The following MAP3K7CL variants were observed in gnomAD, a reference collection of about 807,000 sequenced individuals.
MAP3K7CL encodes the protein MAP3K7 C-terminal-like protein.
Under a neutral mutation model 18.6 loss-of-function variants are expected in MAP3K7CL, and 16 were observed. That is an observed-to-expected ratio of 0.86 (90% CI 0.58 to 1.31). MAP3K7CL has a LOEUF of 1.31. Ranked by LOEUF, MAP3K7CL falls within the 50% of genes most tolerant of loss-of-function variation. The pLI is 0.00. For missense variants in MAP3K7CL, 163 were observed against 174.4 expected (o/e 0.93, Z 0.37); for synonymous variants, 65 against 66.8 (o/e 0.97, Z 0.13).
intron 4 of MAP3K7CL, among the ~76,000 whole-genome samples, chr21:29,114,217 C>T (rs373938615): frequency 2.7e-5 from 4 of 150,854 alleles, no homozygotes; most frequent in East Asian, 2.0e-4. Context: ...TACAGGCATG[C>T]GCCACCATGC....
At chr21:29,170,672 C>G (rs1311397024) in intron 4 of MAP3K7CL, among the ~76,000 whole-genome samples, 1 of 151,718 alleles carries the variant, frequency 6.6e-6, no homozygotes, top group Non-Finnish European at 1.5e-5. Context: ...TGGAGTCTCA[C>G]TCTGTCGCCC....
exon 4 of MAP3K7CL, chr21:29,092,557 G>T: frequency 6.2e-7 from 1 of 1,614,124 alleles, no homozygotes; most frequent in Non-Finnish European, 8.5e-7. Context: ...TACTGTGCCC[G>T]TGGAAATCCC....
At chr21:29,120,927 A>G (rs952319922) in intron 4 of MAP3K7CL, among the ~76,000 whole-genome samples, 4 of 151,610 alleles carry the variant, frequency 2.6e-5, no homozygotes, top group African/African-American at 9.7e-5. Flanking sequence ...TTAGCTAGGC[A>G]TGGTGACATA....
At chr21:29,150,086 C>T (rs1318121884) in intron 3 of MAP3K7CL, among the ~76,000 whole-genome samples, 1 of 152,146 alleles carries the variant, frequency 6.6e-6, no homozygotes, top group Admixed American at 6.5e-5. Flanking sequence ...TTGTAACCTC[C>T]AGTTCCCAAC....
chr21:29,088,231 T>A (rs1011228759), intron 1 of MAP3K7CL, among the ~76,000 whole-genome samples: 38 of 152,242 alleles, frequency 2.5e-4, no homozygotes, highest in African/African-American at 8.9e-4. Flanking sequence ...GAAGCTTTAA[T>A]AGGCACACAA....
At chr21:29,165,927 C>T (rs962787421) in intron 4 of MAP3K7CL, among the ~76,000 whole-genome samples, 1 of 152,194 alleles carries the variant, frequency 6.6e-6, no homozygotes, top group Non-Finnish European at 1.5e-5. Context: ...GTAATGTTTT[C>T]ATACATGGAC....
chr21:29,149,525 G>A (rs1377368895), intron 3 of MAP3K7CL, among the ~76,000 whole-genome samples: 7 of 152,152 alleles, frequency 4.6e-5, no homozygotes, highest in South Asian at 2.1e-4. Flanking sequence ...GGAAAAGGAC[G>A]GGTCCCTTCT....
At chr21:29,167,172 G>T (rs2087709076) in intron 4 of MAP3K7CL, among the ~76,000 whole-genome samples, 1 of 152,178 alleles carries the variant, frequency 6.6e-6, no homozygotes, top group Non-Finnish European at 1.5e-5. Context: ...AGGTTCTCCT[G>T]TGCTTCATTG....
At chr21:29,166,144 C>T (rs2087681640) in intron 4 of MAP3K7CL, among the ~76,000 whole-genome samples, 1 of 152,114 alleles carries the variant, frequency 6.6e-6, no homozygotes, top group African/African-American at 2.4e-5. Context: ...TGAATAACCC[C>T]TCCCCATACC....
chr21:29,099,757 T>A (rs1401888580), intron 4 of MAP3K7CL, among the ~76,000 whole-genome samples: 2 of 151,862 alleles, frequency 1.3e-5, no homozygotes, highest in East Asian at 3.9e-4. Flanking sequence ...AAGAAACAGA[T>A]CTCTATCTTC....
chr21:29,169,788 A>G (rs2087778378), intron 4 of MAP3K7CL, among the ~76,000 whole-genome samples: 1 of 152,238 alleles, frequency 6.6e-6, no homozygotes. Flanking sequence ...TTTCTTAACC[A>G]ATTGACTTGG....
chr21:29,099,951 C>T (rs1161707226), intron 4 of MAP3K7CL, among the ~76,000 whole-genome samples: 3 of 151,950 alleles, frequency 2.0e-5, no homozygotes, highest in Non-Finnish European at 2.9e-5. Flanking sequence ...GGCGTGGTGG[C>T]GGGCGCCTGT....
At chr21:29,080,567 C>T (rs2085819180) in intron 1 of MAP3K7CL, 1 of 152,194 alleles carries the variant, frequency 6.6e-6, no homozygotes, top group South Asian at 2.1e-4. Context: ...CAAGGGCAGC[C>T]GTGGGGCTGG....
intron 2 of MAP3K7CL, among the ~76,000 whole-genome samples, chr21:29,136,520 C>CT (rs2086889400): frequency 7.0e-6 from 1 of 143,834 alleles, no homozygotes; most frequent in Admixed American, 6.9e-5. Flanking sequence ...TTTTTCTTTT[C>CT]TTTTTTATTT....
upstream of MAP3K7CL, among the ~76,000 whole-genome samples, chr21:29,126,383 G>A (rs1011343843): frequency 6.6e-6 from 1 of 152,222 alleles, no homozygotes; most frequent in Non-Finnish European, 1.5e-5. Flanking sequence ...TGCTACAGAG[G>A]CAGAGATGAG....
intron 2 of MAP3K7CL, among the ~76,000 whole-genome samples, chr21:29,141,125 T>C (rs779002519): frequency 6.6e-6 from 1 of 152,208 alleles, no homozygotes; most frequent in Non-Finnish European, 1.5e-5. Context: ...GAGTATGTTA[T>C]AACCTAAGTC....
chr21:29,135,890 G>A (rs2086874913), intron 2 of MAP3K7CL, among the ~76,000 whole-genome samples: 2 of 152,206 alleles, frequency 1.3e-5, no homozygotes, highest in South Asian at 4.2e-4. Flanking sequence ...CCCAAATTAA[G>A]TATTTTAATC....
intron 4 of MAP3K7CL, among the ~76,000 whole-genome samples, chr21:29,095,963 A>T (rs559572951): frequency 6.6e-6 from 1 of 152,224 alleles, no homozygotes; most frequent in East Asian, 1.9e-4. Context: ...GGTGATTTTG[A>T]AACAGTGGTA....
Position 29,130,924 on chromosome 21 carries a change from G to A in MAP3K7CL, c.-40+1G>A. 2.0e-6 allele frequency: 2 copies of A among 985,484 alleles called. No homozygotes were observed. Among genetic ancestry groups the A allele is most frequent in the Non-Finnish European group, 2.4e-6 (2 of 829,938 alleles). 61.0% of individuals were successfully genotyped at this position (985,484 alleles called of 1,614,324 possible). Reference sequence around the variant, plus strand: ...AAGTGCAGACACTCAACTAAGTGAGGTAAGCCAACAGGTGTGAAAACTGAA... The same window carrying A: ...AAGTGCAGACACTCAACTAAGTGAGATAAGCCAACAGGTGTGAAAACTGAA... On this transcript the variant is annotated splice_donor_variant, in intron 1 of 4. Transcript: ENST00000399928. LOFTEE classifies it low-confidence loss of function (5UTR_SPLICE).
Sources: gnomAD v4.1 joint callset for allele counts (sites outside exome capture counted in the v4.1 genomes callset) on GRCh38, gnomAD v4.1.1 for gene constraint, MANE v1.5 for transcripts, NCBI Gene and HGNC (gene_info 2026-07-23, HGNC 2026-07-21) for gene names.